The following PRKCA variants were observed in gnomAD, a reference collection of about 807,000 sequenced individuals.
PRKCA encodes the protein protein kinase C alpha.
PRKCA carries 27 observed loss-of-function variants against 87.0 expected under a neutral mutation model. The ratio of observed to expected loss-of-function variants is 0.31; its 90% CI spans 0.23 to 0.43. The LOEUF is 0.43. Among genes scored for constraint, PRKCA ranks in the 20% least tolerant of loss-of-function variants. The pLI, the probability that PRKCA is intolerant of heterozygous loss-of-function variation, is 1.00. For missense variants in PRKCA, 518 were observed against 852.3 expected, an observed-to-expected ratio of 0.61 and a Z score of 4.88; for synonymous variants, 329 against 311.1, an observed-to-expected ratio of 1.06 and a Z score of -0.61.
At chr17:66,309,070 T>C (rs1904965495) in intron 2 of PRKCA, among the ~76,000 whole-genome samples, 1 of 152,194 alleles carries the variant, frequency 6.6e-6, no homozygotes, top group Non-Finnish European at 1.5e-5. Context: ...TGTCCACTAG[T>C]ATGTAGTATG....
intron 3 of PRKCA, among the ~76,000 whole-genome samples, chr17:66,522,150 C>T (rs372890638): frequency 7.2e-5 from 11 of 152,252 alleles, no homozygotes; most frequent in African/African-American, 2.2e-4. Flanking sequence ...TCCTGGGCGA[C>T]GGGTCCTGCA....
At chr17:66,755,218 A>G (rs1432080701) in intron 13 of PRKCA, among the ~76,000 whole-genome samples, 1 of 152,190 alleles carries the variant, frequency 6.6e-6, no homozygotes, top group Non-Finnish European at 1.5e-5. Flanking sequence ...TCCTCTGAGG[A>G]TCGCAGAAAA....
chr17:66,603,478 A>AC (rs1173345121), intron 3 of PRKCA, among the ~76,000 whole-genome samples: 1 of 152,170 alleles, frequency 6.6e-6, no homozygotes, highest in Non-Finnish European at 1.5e-5. Flanking sequence ...GCATCTTTAG[A>AC]TCTTAAAATG....
chr17:66,555,905 C>T (rs8079434), intron 3 of PRKCA, among the ~76,000 whole-genome samples: 2,010 of 152,160 alleles, frequency 0.013, 45 homozygotes, highest in African/African-American at 0.046. Context: ...CTTGGCAATG[C>T]GTGCTACTAA....
At chr17:66,441,139 G>A (rs1913724295) in intron 2 of PRKCA, among the ~76,000 whole-genome samples, 1 of 140,078 alleles carries the variant, frequency 7.1e-6, no homozygotes, top group Non-Finnish European at 1.5e-5. Flanking sequence ...TCCAGCCTGG[G>A]AGACAAAGCG....
chr17:66,306,300 G>C, intron 2 of PRKCA, 173 bp downstream of exon 2: 1 of 454,438 alleles, frequency 2.2e-6, no homozygotes, highest in East Asian at 3.6e-5. Context: ...CTACTAATCT[G>C]CATATAGAGC....
intron 10 of PRKCA, 95 bp downstream of exon 10, chr17:66,735,757 G>A: frequency 7.1e-7 from 1 of 1,413,992 alleles, no homozygotes; most frequent in Admixed American, 2.0e-5. Flanking sequence ...TTTGGAGAAG[G>A]CTGGAGAAAG....
chr17:66,316,273 T>C (rs1905311889), intron 2 of PRKCA, among the ~76,000 whole-genome samples: 1 of 152,230 alleles, frequency 6.6e-6, no homozygotes, highest in Non-Finnish European at 1.5e-5. Context: ...CACATACTGA[T>C]TCTTTATTAA....
At chr17:66,797,882 G>A (rs1000849038) in intron 16 of PRKCA, among the ~76,000 whole-genome samples, 14 of 152,222 alleles carry the variant, frequency 9.2e-5, no homozygotes, top group African/African-American at 2.7e-4. Flanking sequence ...CAAAAGGCGC[G>A]GGTGACCTTT....
intron 8 of PRKCA, among the ~76,000 whole-genome samples, chr17:66,717,709 C>T (rs991978897): frequency 1.6e-4 from 24 of 152,332 alleles, no homozygotes; most frequent in African/African-American, 4.8e-4. Flanking sequence ...AGCACTGCCA[C>T]GAAGCGGCGC....
At chr17:66,771,593 CT>C (rs970072926) in intron 13 of PRKCA, among the ~76,000 whole-genome samples, 1 of 151,510 alleles carries the variant, frequency 6.6e-6, no homozygotes, top group African/African-American at 2.4e-5. Context: ...TTCCTTATTT[CT>C]TTTTTTTTAT....
chr17:66,396,155 G>A (rs187019442), intron 2 of PRKCA, among the ~76,000 whole-genome samples: 64 of 152,192 alleles, frequency 4.2e-4, no homozygotes, highest in African/African-American at 1.5e-3. Flanking sequence ...CTTTGGGTGG[G>A]TGAAATGCTA....
intron 11 of PRKCA, 36 bp from the exon 12 acceptor site, chr17:66,741,623 G>T (rs1258716886): frequency 3.7e-6 from 6 of 1,607,854 alleles, no homozygotes; most frequent in Non-Finnish European, 5.1e-6. Flanking sequence ...ATCTAAGGAA[G>T]CAAGTGAGAA....
chr17:66,768,539 C>T (rs935265669), intron 13 of PRKCA, among the ~76,000 whole-genome samples: 1 of 152,052 alleles, frequency 6.6e-6, no homozygotes, highest in Non-Finnish European at 1.5e-5. Context: ...GGGTAATTTC[C>T]GAAGTAAAGA....
intron 5 of PRKCA, among the ~76,000 whole-genome samples, chr17:66,658,545 C>T (rs1971800714): frequency 1.3e-5 from 2 of 152,148 alleles, no homozygotes; most frequent in African/African-American, 4.8e-5. Flanking sequence ...ATCTTCACCT[C>T]GTCCTTCCTA....
At chr17:66,637,200 A>ATGTGACAACCAACTGG (rs1159585277) in intron 3 of PRKCA, among the ~76,000 whole-genome samples, 1 of 152,140 alleles carries the variant, frequency 6.6e-6, no homozygotes, top group Non-Finnish European at 1.5e-5. Context: ...ATGGAGATCT[A>ATGTGACAACCAACTGG]TGTGACAACC....
intron 10 of PRKCA, among the ~76,000 whole-genome samples, chr17:66,738,526 A>T (rs901987117): frequency 1.3e-5 from 2 of 152,274 alleles, no homozygotes; most frequent in African/African-American, 2.4e-5. Context: ...AGGCACGTTG[A>T]TGGAGAGCCA....
At chr17:66,365,274 A>T (rs2143501932) in intron 2 of PRKCA, among the ~76,000 whole-genome samples, 2 of 152,258 alleles carry the variant, frequency 1.3e-5, no homozygotes, top group South Asian at 4.1e-4. Context: ...CAGTTGGGAT[A>T]ATGAGTCTTG....
chr17:66,794,910 C>T (rs919837260), intron 16 of PRKCA, among the ~76,000 whole-genome samples: 1 of 152,122 alleles, frequency 6.6e-6, no homozygotes, highest in Non-Finnish European at 1.5e-5. Context: ...AGGCTGACCT[C>T]GGTATCATTC....
Sources: allele counts gnomAD v4.1 joint callset (sites outside exome capture counted in the v4.1 genomes callset), GRCh38; gene constraint gnomAD v4.1.1; transcripts MANE v1.5; gene names NCBI Gene and HGNC (gene_info 2026-07-23, HGNC 2026-07-21).